The following WNK1 variants were observed in gnomAD, a reference collection of about 807,000 sequenced individuals.
WNK1 encodes the protein serine/threonine-protein kinase WNK1.
In WNK1, 38 loss-of-function variants were observed where a neutral mutation model predicts 222.8. The observed-to-expected ratio is 0.17, with a 90% CI of 0.13 to 0.22. The LOEUF (loss-of-function observed/expected upper bound fraction) is 0.22, where lower values mean the gene tolerates loss of function less well. WNK1 is among the 10% of genes least tolerant of loss of function. WNK1 has a pLI of 1.00. For missense variants in WNK1, 2,348 were observed against 2,918.4 expected, an observed-to-expected ratio of 0.80 and a Z score of 4.50; for synonymous variants, 1,090 against 1,092.9, an observed-to-expected ratio of 1.00 and a Z score of 0.05.
intron 19 of WNK1, among the ~76,000 whole-genome samples, chr12:886,812 C>T (rs1953705439): frequency 6.6e-6 from 1 of 152,116 alleles, no homozygotes; most frequent in Non-Finnish European, 1.5e-5. Flanking sequence ...TGTTATCAGA[C>T]CTGCCCATTG....
Position 862,142 on chromosome 12 carries a change from A to C in WNK1, c.2011A>C (p.Ser671Arg). 6.2e-7 allele frequency: 1 copy of C among 1,614,100 alleles called. No individual in the cohort carries two copies. Among genetic ancestry groups the C allele is most frequent in the Non-Finnish European group, 8.5e-7 (1 of 1,179,986 alleles). ...TGTCTTCACAGAATCTCGAGTGAGC[A>C]GCCAACAGACAGTTTCATATGGTTC... Reference protein sequence around the residue: ...SSVFTESRVSSQQTVSYGSQH... With the variant: ...SSVFTESRVSRQQTVSYGSQH... The change falls in exon 8 of 28, where the codon AGC becomes CGC. Residue 671 changes from serine (S) to arginine (R), a missense_variant. Ser to Arg is a moderately radical substitution (Grantham distance 110). Coordinates refer to ENST00000315939, the MANE Select transcript of WNK1 (RefSeq NM_018979.4).
rs574064708 is a variant in WNK1, at chr12:779,616, G to A, written c.759+25292G>A. On this transcript the variant is annotated intron_variant, in intron 1 of 27. Coordinates refer to ENST00000315939, the MANE Select transcript of WNK1 (RefSeq NM_018979.4). The stretch of plus-strand genomic sequence containing the variant: ...AGGGTTTCGCCATGTTGGCCAGGCT[G>A]GTCTTGAATTCTTGACCTCAAGTGA... 3.3e-5 allele frequency among the ~76,000 whole-genome samples: 5 copies of A among 152,036 alleles called. No homozygotes were observed. The South Asian group carries it at 1.0e-3, about 32-fold the overall frequency.
At chr12:863,028 A>T (rs770786628) in intron 8 of WNK1, among the ~76,000 whole-genome samples, 11 of 152,222 alleles carry the variant, frequency 7.2e-5, no homozygotes, top group Non-Finnish European at 1.5e-4. Context: ...ATCAGATAAT[A>T]CCCCATTTCT....
intron 8 of WNK1, chr12:868,474 A>T (rs377477504): frequency 6.2e-7 from 1 of 1,614,024 alleles, no homozygotes; most frequent in South Asian, 1.1e-5. Flanking sequence ...ATCTAAGATT[A>T]GATTCTGGAT....
chr12:883,806 T>C lies in WNK1; in HGVS notation c.3696T>C (p.Pro1232=), dbSNP rs145627014. Residue 1232 remains proline (P), a synonymous_variant, in exon 17 of 28, where the codon CCT becomes CCC. Coordinates refer to ENST00000315939, the MANE Select transcript of WNK1 (RefSeq NM_018979.4). Reference sequence around the variant, plus strand: ...AAGGAGAGTTCAAACAACCAATTCCTGCGTCTTCCATGCCACAGCAAATAG... The same window carrying C: ...AAGGAGAGTTCAAACAACCAATTCCCGCGTCTTCCATGCCACAGCAAATAG... ...KLEGEFKQPI[P]ASSMPQQIGI... 6.2e-7 allele frequency: 1 copy of C among 1,614,142 alleles called. No homozygotes were observed. The highest frequency in any genetic ancestry group is 1.1e-5 in the South Asian group (1 of 91,088).
intron 1 of WNK1, among the ~76,000 whole-genome samples, chr12:772,838 A>G (rs1279511932): frequency 6.6e-6 from 1 of 152,216 alleles, no homozygotes; most frequent in Admixed American, 6.5e-5. Context: ...GATTTGCAAG[A>G]AAGTCCATTC....
intron 1 of WNK1, among the ~76,000 whole-genome samples, chr12:798,414 G>A (rs914889105): frequency 5.9e-5 from 9 of 152,072 alleles, no homozygotes; most frequent in Non-Finnish European, 8.8e-5. Context: ...GGATGGTCTC[G>A]ATCTCCTGAC....
At chr12:808,297 T>G (rs1190821032) in intron 1 of WNK1, among the ~76,000 whole-genome samples, 1 of 152,176 alleles carries the variant, frequency 6.6e-6, no homozygotes, top group Non-Finnish European at 1.5e-5. Context: ...TTTTTTTTCT[T>G]TTTTCTTTTG....
intron 1 of WNK1, among the ~76,000 whole-genome samples, chr12:768,059 C>T (rs1030914471): frequency 2.8e-4 from 42 of 152,164 alleles, no homozygotes; most frequent in African/African-American, 1.0e-3. Flanking sequence ...CCCAGGCACC[C>T]TACTACATAG....
chr12:871,278 G>C lies in WNK1; in HGVS notation c.2153G>C (p.Ser718Thr). 1 of 1,614,160 alleles carries C rather than the reference G, an allele frequency of 6.2e-7. No homozygotes were observed. ...TCTTTCCTTCAGGCACAGGGGCAGA[G>C]CCAGGGTCAGCCATCCTCAAGTAGC... is the stretch of plus-strand genomic sequence containing the variant. ...YPPSSVAQGQSQGQPSSSSLT... is the reference protein window; with the variant it reads ...YPPSSVAQGQTQGQPSSSSLT... Residue 718 changes from serine to threonine, a missense_variant, in exon 9 of 28, where the codon AGC becomes ACC. This residue lies in a region of WNK1 where 547 missense variants were observed against 558.3 expected (regional missense o/e 0.98). Coordinates refer to ENST00000315939, the MANE Select transcript of WNK1 (RefSeq NM_018979.4).
chr12:908,688 G>A lies in WNK1; in HGVS notation c.7045G>A (p.Gly2349Ser), dbSNP rs1955902448. Residue 2349 changes from glycine (G) to serine (S), a missense_variant, in exon 28 of 28, where the codon GGC (glycine) becomes AGC (serine). Physicochemically the swap from Gly to Ser is moderately conservative, Grantham distance 56. Around this residue, in one of 13 missense-constraint regions of WNK1, gnomAD observed 76 missense variants for 85.7 expected, o/e 0.89. Coordinates refer to ENST00000315939, the MANE Select transcript of WNK1 (RefSeq NM_018979.4). ...GTGGPAPQPL[G>S]QFQPVGTASL... ...GGGTGGCCCAGCACCACAGCCACTT[G>A]GCCAGTTCCAACCTGTGGGAACTGC... is the stretch of plus-strand genomic sequence containing the variant. The A allele has an allele frequency of 6.2e-7, 1 of 1,614,132 alleles. No homozygotes were observed. The highest frequency in any genetic ancestry group is 8.5e-7 in the Non-Finnish European group (1 of 1,180,024).
At position 827,201 on chromosome 12, in the gene WNK1, C is replaced by A. The variant is rs960259834; in HGVS notation, c.1092C>A (p.Val364=). Residue 364 remains valine, a synonymous_variant, in exon 3 of 28, where the codon GTC becomes GTA. Coordinates refer to ENST00000315939, the MANE Select transcript of WNK1 (RefSeq NM_018979.4). This position sits in a 1 kb window ranked among gnomAD's most constrained non-coding sequence, Gnocchi z 4.6. ...NIFITGPTGS[V]KIGDLGLATL... ...TTATCACCGGCCCTACTGGCTCAGTCAAGATTGGAGACCTCGGTCTGGCAA... is the reference window on the plus strand; with the variant it reads ...TTATCACCGGCCCTACTGGCTCAGTAAAGATTGGAGACCTCGGTCTGGCAA... The A allele has an allele frequency of 6.2e-7, 1 of 1,614,186 alleles. No homozygotes were observed. The highest frequency in any genetic ancestry group is 1.1e-5 in the South Asian group (1 of 91,060).
chr12:854,707 C>G (rs1950653044), intron 4 of WNK1, among the ~76,000 whole-genome samples: 1 of 152,146 alleles, frequency 6.6e-6, no homozygotes, highest in Admixed American at 6.5e-5. Flanking sequence ...TTGTAGAAAA[C>G]TAAAACCAAA....
chr12:896,900 ACACACACACAC>A (rs1954785428), intron 24 of WNK1, among the ~76,000 whole-genome samples, 168 bp downstream of exon 24: 1 of 23,750 alleles, frequency 4.2e-5, no homozygotes, highest in African/African-American at 9.3e-5. Context: ...ACACACACAC[ACACACACACAC>A]ACACACACAC....
chr12:842,256 G>T (rs1476190856), intron 4 of WNK1, among the ~76,000 whole-genome samples: 1 of 152,124 alleles, frequency 6.6e-6, no homozygotes, highest in Admixed American at 6.5e-5. Context: ...AGAAACTGAT[G>T]TACCTATAAA....
chr12:884,356 G>A lies in WNK1; in HGVS notation c.3844+113G>A. On this transcript the variant is annotated intron_variant, in intron 18 of 27. Coordinates refer to ENST00000315939, the MANE Select transcript of WNK1 (RefSeq NM_018979.4). The surrounding 1 kb of genome is among the most constrained non-coding windows in gnomAD (Gnocchi z 5.6). Reference sequence around the variant, plus strand: ...ATGACACAGATAATAAAAAAGAATAGAAAACTGAAGTTATAACCAACAGAT... The same window carrying A: ...ATGACACAGATAATAAAAAAGAATAAAAAACTGAAGTTATAACCAACAGAT... 6.7e-7 allele frequency: 1 copy of A among 1,488,426 alleles called. No individual in the cohort carries two copies. The highest frequency in any genetic ancestry group is 2.3e-5 in the East Asian group (1 of 44,088). The allele number at this position is 1,488,426 out of a possible 1,614,324, so 92.2% of individuals were successfully genotyped here.
intron 1 of WNK1, among the ~76,000 whole-genome samples, chr12:805,632 A>G (rs1946307509): frequency 6.6e-6 from 1 of 152,202 alleles, no homozygotes; most frequent in African/African-American, 2.4e-5. Flanking sequence ...ACAAATTATA[A>G]CTGCAGAAAC....
At chr12:824,067 C>T (rs572827129) in intron 2 of WNK1, among the ~76,000 whole-genome samples, 1 of 152,018 alleles carries the variant, frequency 6.6e-6, no homozygotes, top group East Asian at 1.9e-4. Context: ...CCACCATGCC[C>T]AGCTAGTTTT....
At chr12:810,304 AATG>A (rs1220878045) in intron 1 of WNK1, among the ~76,000 whole-genome samples, 1 of 152,196 alleles carries the variant, frequency 6.6e-6, no homozygotes, top group Non-Finnish European at 1.5e-5. Flanking sequence ...TGGTGCAGAA[AATG>A]ATAAGGAGGG....
Sources: gnomAD v4.1 joint callset for allele counts (sites outside exome capture counted in the v4.1 genomes callset) on GRCh38, gnomAD v4.1.1 for gene constraint, gnomAD v4.1.1 regional missense constraint, Gnocchi (gnomAD v3.1) non-coding constraint, MANE v1.5 for transcripts, NCBI Gene and HGNC (gene_info 2026-07-23, HGNC 2026-07-21) for gene names.